Variants in PDIA4 observed in about 807,000 individuals in gnomAD.
PDIA4 encodes protein disulfide isomerase family A member 4.
Under a neutral mutation model 62.1 loss-of-function variants are expected in PDIA4, and 33 were observed. That is an observed-to-expected ratio of 0.53 (90% CI 0.40 to 0.71). The LOEUF (loss-of-function observed/expected upper bound fraction) is 0.71, where lower values mean the gene tolerates loss of function less well. Among genes scored for constraint, PDIA4 ranks in the 30% least tolerant of loss-of-function variants. The pLI is 0.00. For synonymous variants in PDIA4, 341 were observed against 324.1 expected, an observed-to-expected ratio of 1.05 and a Z score of -0.56; for missense variants, 804 against 813.6, an observed-to-expected ratio of 0.99 and a Z score of 0.14.
At chr7:149,027,800 C>G in intron 1 of PDIA4, 1 of 467,170 alleles carries the variant, frequency 2.1e-6, no homozygotes, top group Non-Finnish European at 4.5e-6. Context: ...CAAACCAAGC[C>G]ATCCCTTTCT....
intron 6 of PDIA4, among the ~76,000 whole-genome samples, chr7:149,010,159 A>T (rs937928253): frequency 6.6e-6 from 1 of 152,130 alleles, no homozygotes; most frequent in Non-Finnish European, 1.5e-5. Context: ...TAACCTTCCG[A>T]GCCACAGGCC....
intron 1 of PDIA4, among the ~76,000 whole-genome samples, chr7:149,023,573 C>G (rs117726974): frequency 0.011 from 1,729 of 152,154 alleles, 14 homozygotes; most frequent in Non-Finnish European, 0.018. Flanking sequence ...CACTACCTAG[C>G]TGCTCTGCCC....
intron 3 of PDIA4, among the ~76,000 whole-genome samples, chr7:149,015,841 C>A (rs1170082178): frequency 6.6e-6 from 1 of 152,268 alleles, no homozygotes; most frequent in Non-Finnish European, 1.5e-5. Context: ...GCCCCCCAGA[C>A]CACACCCAGG....
chr7:149,020,970 G>A lies in PDIA4; in HGVS notation c.266C>T (p.Pro89Leu). ...KDTVLLEFYA[P>L]WCGHCKQFAP... Reference sequence around the variant, plus strand: ...GAAATTAGAACGCGGTCCTTACCATGGAGCATAAAACTCCAGCAGCACTGT... The same window carrying A: ...GAAATTAGAACGCGGTCCTTACCATAGAGCATAAAACTCCAGCAGCACTGT... Residue 89 changes from proline to leucine, a missense_variant, in exon 2 of 10, where the codon CCA becomes CTA. Coordinates refer to ENST00000652332, the MANE Select transcript of PDIA4 (RefSeq NM_004911.5). The A allele has an allele frequency of 6.2e-7, 1 of 1,614,056 alleles. No homozygotes were observed. The highest frequency in any genetic ancestry group is 8.5e-7 in the Non-Finnish European group (1 of 1,179,898).
chr7:149,006,189 G>C (rs992098202), intron 7 of PDIA4, 136 bp from the exon 8 acceptor site: 17 of 792,618 alleles, frequency 2.1e-5, no homozygotes, highest in Non-Finnish European at 3.2e-5. Context: ...CCCAGGGCTC[G>C]ACCCCACTCA....
chr7:149,010,581 A>G (rs1273386111), intron 6 of PDIA4, among the ~76,000 whole-genome samples: 2 of 152,174 alleles, frequency 1.3e-5, no homozygotes, highest in Non-Finnish European at 2.9e-5. Context: ...AGTTGGCTTC[A>G]GGCAGAGACA....
At position 149,004,029 on chromosome 7, in the gene PDIA4, A is replaced by G. The variant is rs201118795; in HGVS notation, c.1703T>C (p.Leu568Pro). Residue 568 changes from leucine to proline, a missense_variant, in exon 10 of 10, where the codon CTG becomes CCG. Leu to Pro is a moderately conservative substitution (Grantham distance 98, BLOSUM62 -3). Transcript: ENST00000652332. ...CKQLEPVYNS[L>P]AKKYKGQKGL... ...CTTTTGGCCCTTGTACTTCTTGGCC[A>G]GGCTGTTGTACACGGGCTCTAGCTG... 1.9e-6 allele frequency: 3 copies of G among 1,614,216 alleles called. No individual in the cohort carries two copies. Among genetic ancestry groups the G allele is most frequent in the African/African-American group, 1.3e-5 (1 of 75,072 alleles).
In PDIA4 at chr7:149,014,943, T is replaced by C; in HGVS notation, c.575A>G (p.Asn192Ser). The change falls in exon 4 of 10, where the codon AAT becomes AGT. Residue 192 changes from asparagine to serine, a missense_variant. By Grantham distance (46) the Asn-to-Ser change is conservative. Transcript: ENST00000652332. ...LTKENFDEVVNDADIILVEFY... is the reference protein window; with the variant it reads ...LTKENFDEVVSDADIILVEFY... ...CTCCACCAGAATGATATCTGCATCA[T>C]TCACAACTTCATCAAAGTTCTCTTT... is the stretch of plus-strand genomic sequence containing the variant. 1.2e-6 allele frequency: 2 copies of C among 1,614,180 alleles called. No individual in the cohort carries two copies. Among genetic ancestry groups the C allele is most frequent in the Non-Finnish European group, 1.7e-6 (2 of 1,179,988 alleles).
At position 149,005,916 on chromosome 7, in the gene PDIA4, G is replaced by A; in HGVS notation, c.1269C>T (p.Phe423=). The change falls in exon 8 of 10, where the codon TTC becomes TTT. Residue 423 remains phenylalanine (F), a synonymous_variant. Transcript: ENST00000652332. ...PLVVVYYSVD[F]SFDYRAATQF... is the part of the protein sequence containing the mutation. ...CCTCACCAGCTCTGTAATCAAAGCT[G>A]AAGTCCACACTGTAGTAGACGACCA... 6.6e-7 allele frequency: 1 copy of A among 1,518,606 alleles called. No homozygotes were observed. Among genetic ancestry groups the A allele is most frequent in the Non-Finnish European group, 8.7e-7 (1 of 1,142,932 alleles). 94.1% of individuals were successfully genotyped at this position (1,518,606 alleles called of 1,614,324 possible).
intron 3 of PDIA4, among the ~76,000 whole-genome samples, chr7:149,018,051 A>T (rs2129505137): frequency 6.6e-6 from 1 of 152,228 alleles, no homozygotes; most frequent in South Asian, 2.1e-4. Flanking sequence ...AACATGGTGA[A>T]ACCCCGTCTC....
chr7:149,025,902 T>C (rs1034230842), intron 1 of PDIA4, among the ~76,000 whole-genome samples: 8 of 152,184 alleles, frequency 5.3e-5, no homozygotes, highest in Non-Finnish European at 1.0e-4. Context: ...CAGAATATTT[T>C]CCTTTCCTGT....
intron 3 of PDIA4, 79 bp from the exon 4 acceptor site, chr7:149,015,121 A>G: frequency 6.8e-7 from 1 of 1,460,428 alleles, no homozygotes; most frequent in South Asian, 1.2e-5. Context: ...GCAGATGAGG[A>G]GGGGGAAGAA....
At chr7:149,012,411 TTTCTAGCTAAATG>T in intron 4 of PDIA4, 51 bp from the exon 5 acceptor site, 2 of 1,501,576 alleles carry the variant, frequency 1.3e-6, no homozygotes, top group Non-Finnish European at 1.8e-6. Flanking sequence ...GTGGACTCAC[TTTCTAGCTAAATG>T]AGCTGCAGAA....
At position 149,003,530 on chromosome 7, in the gene PDIA4, T is replaced by G. The variant is rs1035398694; in HGVS notation, c.*264A>C. 8.7e-5 allele frequency: 30 copies of G among 344,402 alleles called. No homozygotes were observed. Among genetic ancestry groups the G allele is most frequent in the African/African-American group, 4.0e-4 (19 of 47,560 alleles). 21.3% of individuals were successfully genotyped at this position (344,402 alleles called of 1,614,324 possible). A position where few individuals can be genotyped will look rare whatever the true frequency, so the allele number is the denominator to read the frequency against. ...TATCTGCTTTGAGAAATAAAGAAATTAGAAGGTGTAAAAAAAAATTTTTCA... is the reference window on the plus strand; with the variant it reads ...TATCTGCTTTGAGAAATAAAGAAATGAGAAGGTGTAAAAAAAAATTTTTCA... On this transcript the variant is annotated 3_prime_UTR_variant, in exon 10 of 10. Coordinates refer to ENST00000652332, the MANE Select transcript of PDIA4 (RefSeq NM_004911.5).
At chr7:149,014,314 A>G (rs1455064050) in intron 4 of PDIA4, among the ~76,000 whole-genome samples, 6 of 151,584 alleles carry the variant, frequency 4.0e-5, no homozygotes, top group Admixed American at 2.0e-4. Flanking sequence ...CCTACAGAAC[A>G]CACCCATCTG....
intron 6 of PDIA4, among the ~76,000 whole-genome samples, chr7:149,008,665 G>A (rs1460642475): frequency 3.3e-5 from 5 of 151,594 alleles, no homozygotes; most frequent in African/African-American, 4.9e-5. Flanking sequence ...CCGAGATCAC[G>A]CCACTGTGTA....
intron 1 of PDIA4, among the ~76,000 whole-genome samples, chr7:149,021,670 T>C (rs1824359171): frequency 6.6e-6 from 1 of 152,006 alleles, no homozygotes. Flanking sequence ...CTAAATAATA[T>C]TTGAAAACCA....
chr7:149,025,858 C>T (rs899079590), intron 1 of PDIA4, among the ~76,000 whole-genome samples: 1 of 152,112 alleles, frequency 6.6e-6, no homozygotes, highest in African/African-American at 2.4e-5. Context: ...TCTAAACAAA[C>T]CAATACCACA....
Position 149,028,465 on chromosome 7 carries a change from A to C in PDIA4, c.-57T>G, listed in dbSNP as rs1039543747. 2 of 1,234,320 alleles carry C rather than the reference A, an allele frequency of 1.6e-6. No individual in the cohort carries two copies. The highest frequency in any genetic ancestry group is 2.2e-6 in the Non-Finnish European group (2 of 921,468). The allele number at this position is 1,234,320 out of a possible 1,614,324, so 76.5% of individuals were successfully genotyped here. A position where few individuals can be genotyped will look rare whatever the true frequency, so the allele number is the denominator to read the frequency against. Reference sequence around the variant, plus strand: ...TCGGCGGCCGCTGAGCGCACCGAGAACTCGGGGTCTGGCCGACAGCCCGTC... The same window carrying C: ...TCGGCGGCCGCTGAGCGCACCGAGACCTCGGGGTCTGGCCGACAGCCCGTC... On this transcript the variant is annotated 5_prime_UTR_variant, in exon 1 of 10. Coordinates refer to ENST00000652332, the MANE Select transcript of PDIA4 (RefSeq NM_004911.5).
Sources: allele counts gnomAD v4.1 joint callset (sites outside exome capture counted in the v4.1 genomes callset), GRCh38; gene constraint gnomAD v4.1.1; transcripts MANE v1.5; gene names NCBI Gene and HGNC (gene_info 2026-07-23, HGNC 2026-07-21).